The following NAE1 variants were observed in gnomAD, a reference collection of about 807,000 sequenced individuals.
NAE1 encodes the protein NEDD8 activating enzyme E1 subunit 1.
NAE1 carries 59 observed loss-of-function variants against 88.0 expected under a neutral mutation model. The observed-to-expected ratio is 0.67, with a 90% CI of 0.54 to 0.83. The LOEUF is 0.83. Ranked by LOEUF, NAE1 falls within the 40% of genes least tolerant of loss-of-function variation. NAE1 has a pLI of 0.00. For missense variants in NAE1, 554 were observed against 632.8 expected (o/e 0.88, Z 1.34); for synonymous variants, 186 against 208.9 (o/e 0.89, Z 0.95).
rs1170034962 is a variant in NAE1, at chr16:66,827,804, T to C, written c.54-1024A>G. Reference sequence around the variant, plus strand: ...ACCTGATTTAAAGCAGATTACCCCTTATTATGTAGTCAGTATGTCCTCCAG... The same window carrying C: ...ACCTGATTTAAAGCAGATTACCCCTCATTATGTAGTCAGTATGTCCTCCAG... On this transcript the variant is annotated intron_variant, in intron 1 of 19. Coordinates refer to ENST00000290810, the MANE Select transcript of NAE1 (RefSeq NM_003905.4). 6.8e-6 allele frequency: 4 copies of C among 591,514 alleles called. No homozygotes were observed. In the African/African-American group the frequency reaches 7.4e-5, roughly 11 times the overall value. 36.6% of individuals were successfully genotyped at this position (591,514 alleles called of 1,614,324 possible).
intron 5 of NAE1, 65 bp downstream of exon 5, chr16:66,823,464 G>A: frequency 6.9e-7 from 1 of 1,454,740 alleles, no homozygotes; most frequent in Non-Finnish European, 9.4e-7. Flanking sequence ...CTAAATTTCT[G>A]GGGCTTTGAA....
intron 17 of NAE1, among the ~76,000 whole-genome samples, chr16:66,807,430 A>AG: frequency 6.6e-6 from 1 of 152,300 alleles, no homozygotes; most frequent in East Asian, 1.9e-4. Flanking sequence ...ACTTGAGGTC[A>AG]GGAGTTCGAG....
intron 16 of NAE1, 141 bp downstream of exon 16, chr16:66,808,848 A>T (rs1959676041): frequency 3.2e-6 from 2 of 618,758 alleles, no homozygotes; most frequent in Non-Finnish European, 5.3e-6. Flanking sequence ...ATAATTACCT[A>T]GATAAGCTTA....
At chr16:66,827,025 C>T (rs1014389766) in intron 1 of NAE1, among the ~76,000 whole-genome samples, 1 of 152,092 alleles carries the variant, frequency 6.6e-6, no homozygotes, top group Non-Finnish European at 1.5e-5. Flanking sequence ...TCTTCCAGCC[C>T]CTTATCAGCC....
At chr16:66,818,172 A>G (rs1960123179) in intron 8 of NAE1, among the ~76,000 whole-genome samples, 1 of 152,170 alleles carries the variant, frequency 6.6e-6, no homozygotes, top group African/African-American at 2.4e-5. Context: ...ATTACTAACT[A>G]TAGTCACCTT....
At position 66,814,592 on chromosome 16, in the gene NAE1, C is replaced by CAAAA. The variant is rs34053542; in HGVS notation, c.841-750_841-747dup. On this transcript the variant is annotated intron_variant, in intron 11 of 19. Coordinates refer to ENST00000290810, the MANE Select transcript of NAE1 (RefSeq NM_003905.4). ...TGGGCACCAATGTGAGACCCTGTCT[C>CAAAA]AAAAAAAAAAAAAAAAATACACACA... is the stretch of plus-strand genomic sequence containing the variant. Among the ~76,000 whole-genome samples, 7 of 113,226 alleles carry CAAAA rather than the reference C, an allele frequency of 6.2e-5. No individual in the cohort carries two copies. In the East Asian group the frequency reaches 7.6e-4, roughly 12 times the overall value. The allele number at this position is 113,226 out of a possible 152,430, so 74.3% of individuals were successfully genotyped here.
At chr16:66,830,229 G>GTTT (rs1960639317) in intron 1 of NAE1, among the ~76,000 whole-genome samples, 1 of 151,780 alleles carries the variant, frequency 6.6e-6, no homozygotes, top group African/African-American at 2.4e-5. Context: ...GACCAGCTTG[G>GTTT]GGAAAGGTGG....
chr16:66,828,276 A>G (rs1452685779), intron 1 of NAE1: 2 of 427,706 alleles, frequency 4.7e-6, no homozygotes, highest in Non-Finnish European at 8.6e-6. Context: ...AGATCACCTG[A>G]GGTCAGGAGT....
intron 8 of NAE1, 76 bp downstream of exon 8, chr16:66,818,452 A>T: frequency 1.9e-6 from 2 of 1,056,282 alleles, no homozygotes; most frequent in Non-Finnish European, 2.7e-6. Flanking sequence ...TTCTCACTTT[A>T]GTGTAATTCA....
chr16:66,818,585 T>C lies in NAE1; in HGVS notation c.564A>G (p.Pro188=). Residue 188 remains proline (P), a synonymous_variant, in exon 8 of 20, where the codon CCA becomes CCG. Coordinates refer to ENST00000290810, the MANE Select transcript of NAE1 (RefSeq NM_003905.4). The part of the protein sequence containing the change: ...NALEDLRLDK[P]FPELREHFQS... ...GAAAATGTTCTCTCAGTTCAGGAAA[T>C]GGCTTATCTAGTCGTAGATCCTCTA... 6.2e-7 allele frequency: 1 copy of C among 1,613,350 alleles called. No homozygotes were observed.
At position 66,830,910 on chromosome 16, in the gene NAE1, G is replaced by T; in HGVS notation, c.-11C>A. On this transcript the variant is annotated 5_prime_UTR_variant, in exon 1 of 20. Coordinates refer to ENST00000290810, the MANE Select transcript of NAE1 (RefSeq NM_003905.4). ...TCCCAGCTGCGCCATGGCCGCGCCT[G>T]CCGCGCGGAAAACAGCCGAGCCCCT... 6.5e-7 allele frequency: 1 copy of T among 1,532,048 alleles called. No homozygotes were observed. The highest frequency in any genetic ancestry group is 2.6e-5 in the East Asian group (1 of 37,800). 94.9% of individuals were successfully genotyped at this position (1,532,048 alleles called of 1,614,324 possible).
intron 13 of NAE1, among the ~76,000 whole-genome samples, chr16:66,812,885 C>T (rs1264006068): frequency 6.8e-5 from 10 of 147,150 alleles, no homozygotes; most frequent in African/African-American, 1.0e-4. Flanking sequence ...TGCAGTGGTG[C>T]GATCTCCGCT....
intron 3 of NAE1, 34 bp downstream of exon 3, chr16:66,826,489 T>C (rs748701734): frequency 1.2e-6 from 2 of 1,609,000 alleles, no homozygotes; most frequent in Non-Finnish European, 1.7e-6. Context: ...TTGCCTTCCT[T>C]AACGTGAATA....
At chr16:66,824,578 C>T (rs377728757) in intron 4 of NAE1, 2 of 234,902 alleles carry the variant, frequency 8.5e-6, no homozygotes, top group East Asian at 1.1e-4. Flanking sequence ...GGGGACAGAG[C>T]GAGACTCCGT....
intron 7 of NAE1, among the ~76,000 whole-genome samples, chr16:66,820,562 A>G (rs967524245): frequency 2.0e-5 from 3 of 152,064 alleles, no homozygotes; most frequent in African/African-American, 4.8e-5. Context: ...GTTCGAGACC[A>G]GCCTGGCCAA....
chr16:66,828,113 C>T (rs1460840749), intron 1 of NAE1: 2 of 1,516,164 alleles, frequency 1.3e-6, no homozygotes, highest in Non-Finnish European at 1.8e-6. Context: ...CGCCTGTTTT[C>T]TCCATCAAAG....
chr16:66,829,070 C>G (rs1960588934), intron 1 of NAE1, among the ~76,000 whole-genome samples: 1 of 151,934 alleles, frequency 6.6e-6, no homozygotes, highest in Admixed American at 6.6e-5. Flanking sequence ...GTCCTCTCTA[C>G]TATCTTGCTG....
At chr16:66,815,975 A>G (rs1960028932) in intron 11 of NAE1, among the ~76,000 whole-genome samples, 1 of 152,246 alleles carries the variant, frequency 6.6e-6, no homozygotes, top group East Asian at 1.9e-4. Context: ...CAGCCAGCAC[A>G]CTTTTAATCA....
At chr16:66,825,893 A>T (rs1960446185) in intron 3 of NAE1, among the ~76,000 whole-genome samples, 1 of 152,182 alleles carries the variant, frequency 6.6e-6, no homozygotes, top group South Asian at 2.1e-4. Flanking sequence ...ATATATCAAT[A>T]AAAAAGCTGT....
Sources: allele counts gnomAD v4.1 joint callset (sites outside exome capture counted in the v4.1 genomes callset), GRCh38; gene constraint gnomAD v4.1.1; transcripts MANE v1.5; gene names NCBI Gene and HGNC (gene_info 2026-07-23, HGNC 2026-07-21).